The following TP53BP1 variants were observed in gnomAD, a reference collection of about 807,000 sequenced individuals.
TP53BP1 encodes TP53-binding protein 1.
In TP53BP1, 61 loss-of-function variants were observed where a neutral mutation model predicts 200.8. That is an observed-to-expected ratio of 0.30 (90% CI 0.25 to 0.38). The LOEUF is 0.38. Among genes scored for constraint, TP53BP1 ranks in the 10% least tolerant of loss-of-function variants. TP53BP1 has a pLI of 1.00. For missense variants in TP53BP1, 2,144 were observed against 2,371.9 expected (o/e 0.90, Z 2.00); for synonymous variants, 822 against 844.3 (o/e 0.97, Z 0.46).
Position 43,455,974 on chromosome 15 carries a change from C to T in TP53BP1, c.2634G>A (p.Lys878=), listed in dbSNP as rs1472980148. 1.2e-6 allele frequency: 2 copies of T among 1,614,188 alleles called. No individual in the cohort carries two copies. The highest frequency in any genetic ancestry group is 1.7e-6 in the Non-Finnish European group (2 of 1,180,032). ...GGGCCTCTGCATCTGAGCTTAGCTG[C>T]TTTGCATTAGCCATTTTTGAGTCTT... is the stretch of plus-strand genomic sequence containing the variant. ...LTEDSKMANA[K]QLSSDAEAQK... The change falls in exon 12 of 28, where the codon AAG becomes AAA. Residue 878 remains lysine, a synonymous_variant. Transcript: ENST00000382044.
At chr15:43,509,196 G>GA (rs1251228222) in intron 1 of TP53BP1, among the ~76,000 whole-genome samples, 1 of 100,574 alleles carries the variant, frequency 9.9e-6, no homozygotes, top group Admixed American at 9.5e-5. Context: ...AACGGGGGGG[G>GA]GGGGGGCAGA....
chr15:43,434,872 G>T (rs139257132), intron 16 of TP53BP1, among the ~76,000 whole-genome samples: 48 of 152,266 alleles, frequency 3.2e-4, no homozygotes, highest in African/African-American at 1.1e-3. Flanking sequence ...CCAATAAATT[G>T]TAAGAAGTGC....
chr15:43,435,693 AT>A (rs11454328), intron 16 of TP53BP1, among the ~76,000 whole-genome samples: 1,824 of 147,244 alleles, frequency 0.012, 11 homozygotes, highest in African/African-American at 0.015. Context: ...CTACCTATTA[AT>A]TTTTTTTTTT....
At chr15:43,455,224 T>C (rs2143009467) in intron 12 of TP53BP1, among the ~76,000 whole-genome samples, 1 of 152,246 alleles carries the variant, frequency 6.6e-6, no homozygotes, top group East Asian at 1.9e-4. Flanking sequence ...TGAATGTGAT[T>C]TTACCACACA....
At chr15:43,414,236 G>C in intron 23 of TP53BP1, 1 of 407,638 alleles carries the variant, frequency 2.5e-6, no homozygotes, top group South Asian at 1.9e-5. Flanking sequence ...TGTCATCTTG[G>C]GAAAGTTAGC....
intron 16 of TP53BP1, among the ~76,000 whole-genome samples, chr15:43,433,135 A>G (rs1267780938): frequency 1.3e-5 from 2 of 152,116 alleles, no homozygotes; most frequent in African/African-American, 4.8e-5. Flanking sequence ...CATTCTAGAT[A>G]CTGTTTATCC....
intron 1 of TP53BP1, among the ~76,000 whole-genome samples, chr15:43,506,715 A>G (rs1413275493): frequency 6.6e-6 from 1 of 152,244 alleles, no homozygotes; most frequent in East Asian, 1.9e-4. Context: ...AAATGAAACA[A>G]AACAGGAGGC....
rs111801517 is a variant in TP53BP1, at chr15:43,444,478, T to C, written c.3040+1909A>G. On this transcript the variant is annotated intron_variant, in intron 14 of 27. Transcript: ENST00000382044. Reference sequence around the variant, plus strand: ...AACCATGTAATACTTTAACTCAGTCTACTGAGTTGCTAAGATTCAAATCAG... The same window carrying C: ...AACCATGTAATACTTTAACTCAGTCCACTGAGTTGCTAAGATTCAAATCAG... Among the ~76,000 whole-genome samples, 972 of 152,296 alleles carry C rather than the reference T, an allele frequency of 6.4e-3. 9 individuals are homozygous for C. Among genetic ancestry groups the C allele is most frequent in the African/African-American group, 0.022 (923 of 41,556 alleles).
In TP53BP1 at chr15:43,407,147, G is replaced by A. The variant is rs1173977073; in HGVS notation, c.*236C>T. On this transcript the variant is annotated 3_prime_UTR_variant, in exon 28 of 28. Coordinates refer to ENST00000382044, the MANE Select transcript of TP53BP1 (RefSeq NM_001141980.3). Reference sequence around the variant, plus strand: ...GTGAATAAGCCTGTTGAAAGACTCAGAGAAAGTACTATGTCTTGTCATTTG... The same window carrying A: ...GTGAATAAGCCTGTTGAAAGACTCAAAGAAAGTACTATGTCTTGTCATTTG... 2.1e-6 allele frequency: 1 copy of A among 469,152 alleles called. No individual in the cohort carries two copies. Among genetic ancestry groups the A allele is most frequent in the Non-Finnish European group, 3.8e-6 (1 of 260,456 alleles). 29.1% of individuals were successfully genotyped at this position (469,152 alleles called of 1,614,324 possible). A position where few individuals can be genotyped will look rare whatever the true frequency, so the allele number is the denominator to read the frequency against.
chr15:43,460,834 G>A (rs530545683), intron 11 of TP53BP1, among the ~76,000 whole-genome samples: 2 of 150,130 alleles, frequency 1.3e-5, no homozygotes, highest in East Asian at 2.0e-4. Flanking sequence ...ATAAGCCTGC[G>A]CAACAAAGTG....
In TP53BP1 at chr15:43,406,358, T is replaced by G; in HGVS notation, c.*1025A>C. 1 of 315,730 alleles carries G rather than the reference T, an allele frequency of 3.2e-6. No homozygotes were observed. Among genetic ancestry groups the G allele is most frequent in the Non-Finnish European group, 6.3e-6 (1 of 159,296 alleles). 19.6% of individuals were successfully genotyped at this position (315,730 alleles called of 1,614,324 possible). On this transcript the variant is annotated 3_prime_UTR_variant, in exon 28 of 28. Coordinates refer to ENST00000382044, the MANE Select transcript of TP53BP1 (RefSeq NM_001141980.3). Reference sequence around the variant, plus strand: ...ACATATTCTACACACACTGGGAAGCTCTGACAACTTATTCCCTGCTATTAT... The same window carrying G: ...ACATATTCTACACACACTGGGAAGCGCTGACAACTTATTCCCTGCTATTAT...
At chr15:43,505,292 C>G (rs1399755219) in intron 1 of TP53BP1, among the ~76,000 whole-genome samples, 1 of 152,078 alleles carries the variant, frequency 6.6e-6, no homozygotes, top group Non-Finnish European at 1.5e-5. Context: ...GGCCTGAAAA[C>G]TAAGTTATAT....
intron 25 of TP53BP1, 70 bp from the exon 26 acceptor site, chr15:43,409,166 T>C (rs2045029069): frequency 6.8e-7 from 1 of 1,463,300 alleles, no homozygotes; most frequent in East Asian, 2.3e-5. Context: ...GCAGCCATAA[T>C]GAGCCATGAA....
At chr15:43,480,363 G>C (rs2078946034) in intron 5 of TP53BP1, among the ~76,000 whole-genome samples, 2 of 152,104 alleles carry the variant, frequency 1.3e-5, no homozygotes, top group African/African-American at 4.8e-5. Context: ...CACAAGAATG[G>C]CTTGAACCCA....
At position 43,404,272 on chromosome 15, in the gene TP53BP1, A is replaced by G. The variant is rs2044779972; in HGVS notation, c.*3111T>C. On this transcript the variant is annotated 3_prime_UTR_variant, in exon 28 of 28. Transcript: ENST00000382044. Reference sequence around the variant, plus strand: ...TACAAGTCATTTTAGGAACTAATAGAAATAGGAATGTGGGAAGGCCAGGTG... The same window carrying G: ...TACAAGTCATTTTAGGAACTAATAGGAATAGGAATGTGGGAAGGCCAGGTG... The G allele has an allele frequency of 1.1e-6, 1 of 933,612 alleles. No individual in the cohort carries two copies. Among genetic ancestry groups the G allele is most frequent in the Non-Finnish European group, 1.6e-6 (1 of 633,450 alleles). 57.8% of individuals were successfully genotyped at this position (933,612 alleles called of 1,614,324 possible).
Position 43,456,075 on chromosome 15 carries a change from C to T in TP53BP1, c.2533G>A (p.Ala845Thr), listed in dbSNP as rs762355340. Residue 845 changes from alanine (A) to threonine (T), a missense_variant, in exon 12 of 28, where the codon GCA becomes ACA. Ala to Thr is a moderately conservative substitution (Grantham distance 58). Transcript: ENST00000382044. ...TGGTCAAGTCTTAAAGGATCATCTGCTCTCACTAAAGGTAAGGAAGGCTGT... is the reference window on the plus strand; with the variant it reads ...TGGTCAAGTCTTAAAGGATCATCTGTTCTCACTAAAGGTAAGGAAGGCTGT... ...SSQPSLPLVR[A>T]DDPLRLDQEL... The T allele has an allele frequency of 1.9e-6, 3 of 1,614,086 alleles. No homozygotes were observed. Among genetic ancestry groups the T allele is most frequent in the Admixed American group, 1.7e-5 (1 of 59,994 alleles).
chr15:43,413,700 A>G (rs944048939), intron 23 of TP53BP1, among the ~76,000 whole-genome samples: 4 of 152,284 alleles, frequency 2.6e-5, no homozygotes, highest in African/African-American at 9.6e-5. Context: ...GGTGAGAGTG[A>G]AAAATGTTTG....
At chr15:43,408,269 G>A (rs1486645846) in intron 26 of TP53BP1, 181 bp from the exon 27 acceptor site, 2 of 605,848 alleles carry the variant, frequency 3.3e-6, no homozygotes, top group African/African-American at 3.7e-5. Flanking sequence ...CTTGGGCCTG[G>A]GAGTTCGAGA....
intron 6 of TP53BP1, 127 bp from the exon 7 acceptor site, chr15:43,479,653 G>T: frequency 8.4e-7 from 1 of 1,193,802 alleles, no homozygotes; most frequent in Non-Finnish European, 1.2e-6. Flanking sequence ...ACAGGCATCA[G>T]TCTATAAAGG....
Sources: allele counts gnomAD v4.1 joint callset (sites outside exome capture counted in the v4.1 genomes callset), GRCh38; gene constraint gnomAD v4.1.1; transcripts MANE v1.5; gene names NCBI Gene and HGNC (gene_info 2026-07-23, HGNC 2026-07-21).